The following PDLIM5 variants were observed in gnomAD, a reference collection of about 807,000 sequenced individuals.
The protein encoded by PDLIM5 is PDZ and LIM domain protein 5.
Under a neutral mutation model 64.2 loss-of-function variants are expected in PDLIM5, and 34 were observed. The observed-to-expected ratio is 0.53, with a 90% CI of 0.40 to 0.71. The LOEUF (loss-of-function observed/expected upper bound fraction) is 0.71, where lower values mean the gene tolerates loss of function less well. Ranked by LOEUF, PDLIM5 falls within the 30% of genes least tolerant of loss-of-function variation. The pLI, the probability that PDLIM5 is intolerant of heterozygous loss-of-function variation, is 0.00. For synonymous variants in PDLIM5, 253 were observed against 269.1 expected (o/e 0.94, Z 0.59); for missense variants, 683 against 733.6 (o/e 0.93, Z 0.80).
chr4:94,527,755 A>G (rs1248629950), intron 3 of PDLIM5, among the ~76,000 whole-genome samples: 1 of 152,224 alleles, frequency 6.6e-6, no homozygotes, highest in African/African-American at 2.4e-5. Flanking sequence ...CCTTGAGGCA[A>G]TGAAACTGGG....
intron 7 of PDLIM5, among the ~76,000 whole-genome samples, chr4:94,613,525 T>C (rs1738535529): frequency 6.6e-6 from 1 of 152,208 alleles, no homozygotes; most frequent in Non-Finnish European, 1.5e-5. Flanking sequence ...AAATAAACTT[T>C]TGCTCTATTA....
chr4:94,525,207 T>G (rs1476726396), intron 3 of PDLIM5, among the ~76,000 whole-genome samples: 3 of 152,098 alleles, frequency 2.0e-5, no homozygotes, highest in Non-Finnish European at 4.4e-5. Flanking sequence ...TCACCTGAGG[T>G]CAGAAGTTTG....
rs1483733114 is a variant in PDLIM5, at chr4:94,665,710, A to G, written c.*1643A>G. 2 of 1,140,898 alleles carry G rather than the reference A, an allele frequency of 1.8e-6. No individual in the cohort carries two copies. The highest frequency in any genetic ancestry group is 3.2e-5 in the African/African-American group (2 of 62,322). The allele number at this position is 1,140,898 out of a possible 1,614,324, so 70.7% of individuals were successfully genotyped here. On this transcript the variant is annotated 3_prime_UTR_variant, in exon 13 of 13. Transcript: ENST00000317968. Reference sequence around the variant, plus strand: ...TCGTTTTGTTTCTTCTTCTGCATTTAAAAATTAAAAGATTGGTTTGAGGAT... The same window carrying G: ...TCGTTTTGTTTCTTCTTCTGCATTTGAAAATTAAAAGATTGGTTTGAGGAT...
intron 3 of PDLIM5, among the ~76,000 whole-genome samples, chr4:94,546,817 C>G (rs1290892443): frequency 7.1e-6 from 1 of 141,524 alleles, no homozygotes; most frequent in Non-Finnish European, 1.6e-5. Flanking sequence ...CCCTAGCACT[C>G]CTTCTGACAT....
intron 11 of PDLIM5, among the ~76,000 whole-genome samples, chr4:94,659,566 C>T (rs1031134279): frequency 6.6e-6 from 1 of 151,456 alleles, no homozygotes; most frequent in Non-Finnish European, 1.5e-5. Context: ...CTTGCTCTGT[C>T]GCCCAGGCTG....
chr4:94,591,508 A>ACGT (rs1445532019), intron 7 of PDLIM5, among the ~76,000 whole-genome samples: 2 of 152,218 alleles, frequency 1.3e-5, no homozygotes, highest in African/African-American at 4.8e-5. Context: ...GACAGCCTTC[A>ACGT]CGTGCCAGCC....
intron 11 of PDLIM5, among the ~76,000 whole-genome samples, chr4:94,660,750 C>T (rs977519139): frequency 6.6e-6 from 1 of 152,044 alleles, no homozygotes; most frequent in African/African-American, 2.4e-5. Flanking sequence ...TAAGGTTAAT[C>T]GAGTTGCAAA....
intron 2 of PDLIM5, among the ~76,000 whole-genome samples, chr4:94,513,862 G>C (rs1324206326): frequency 6.6e-6 from 1 of 152,098 alleles, no homozygotes; most frequent in Non-Finnish European, 1.5e-5. Flanking sequence ...CTGTGGGTCT[G>C]TCATATATGG....
intron 2 of PDLIM5, chr4:94,456,885 T>C: frequency 1.9e-6 from 2 of 1,073,854 alleles, no homozygotes; most frequent in Non-Finnish European, 2.3e-6. Context: ...TGCAAAATAG[T>C]GATATTATTC....
intron 9 of PDLIM5, among the ~76,000 whole-genome samples, chr4:94,650,221 C>T (rs115025306): frequency 0.019 from 2,815 of 152,118 alleles, 42 homozygotes; most frequent in Non-Finnish European, 0.026. Context: ...TGTGTGTAAT[C>T]GTTTGTGAAT....
At chr4:94,638,378 G>C (rs1415664420) in intron 8 of PDLIM5, among the ~76,000 whole-genome samples, 1 of 152,186 alleles carries the variant, frequency 6.6e-6, no homozygotes, top group African/African-American at 2.4e-5. Context: ...TGAAACATGG[G>C]CAATAATAGA....
rs1737020174 is a variant in PDLIM5, at chr4:94,595,711, G to A, written c.920+9267G>A. On this transcript the variant is annotated intron_variant, in intron 7 of 12. Coordinates refer to ENST00000317968, the MANE Select transcript of PDLIM5 (RefSeq NM_006457.5). ...CATCCCATGTCTTCATTATTGCTGT[G>A]TTTCACAAACATACTGGTGTCTTGT... is the stretch of plus-strand genomic sequence containing the variant. Among the ~76,000 whole-genome samples, 3 of 152,128 alleles carry A rather than the reference G, an allele frequency of 2.0e-5. No homozygotes were observed. In the South Asian group the frequency reaches 6.2e-4, roughly 31 times the overall value.
intron 2 of PDLIM5, among the ~76,000 whole-genome samples, chr4:94,485,200 C>G (rs919921221): frequency 1.3e-5 from 2 of 152,198 alleles, no homozygotes; most frequent in Admixed American, 6.5e-5. Context: ...TGGCAATCAT[C>G]TGTATAAGAA....
intron 2 of PDLIM5, among the ~76,000 whole-genome samples, chr4:94,463,588 G>T (rs1225216814): frequency 6.6e-6 from 1 of 151,998 alleles, no homozygotes; most frequent in African/African-American, 2.4e-5. Context: ...GCTGTCTCAG[G>T]GTGTGCCAGG....
At position 94,654,541 on chromosome 4, in the gene PDLIM5, C is replaced by T. The variant is rs147724105; in HGVS notation, c.1365C>T (p.Tyr455=). The T allele has an allele frequency of 3.7e-6, 6 of 1,611,682 alleles. No homozygotes were observed. The African/African-American group carries it at 5.3e-5, about 14-fold the overall frequency. The change falls in exon 10 of 13, where the codon TAC becomes TAT. Residue 455 remains tyrosine, a synonymous_variant. Coordinates refer to ENST00000317968, the MANE Select transcript of PDLIM5 (RefSeq NM_006457.5). ...CTCACTGCAAAAATACAATGGCCTACATTGGATTTGTAGAGGAGAAAGGAG... is the reference window on the plus strand; with the variant it reads ...CTCACTGCAAAAATACAATGGCCTATATTGGATTTGTAGAGGAGAAAGGAG... ...NCAHCKNTMA[Y]IGFVEEKGAL... is the part of the protein sequence containing the mutation.
intron 8 of PDLIM5, among the ~76,000 whole-genome samples, chr4:94,627,209 G>A (rs1739770373): frequency 6.6e-6 from 1 of 152,098 alleles, no homozygotes; most frequent in Non-Finnish European, 1.5e-5. Context: ...TCAAAACTGG[G>A]GTGTGAAACA....
chr4:94,472,649 C>A (rs147776965), intron 2 of PDLIM5, among the ~76,000 whole-genome samples: 1 of 152,258 alleles, frequency 6.6e-6, no homozygotes, highest in Non-Finnish European at 1.5e-5. Flanking sequence ...CATCCTGCAT[C>A]CCTGGTGGTG....
intron 5 of PDLIM5, among the ~76,000 whole-genome samples, chr4:94,578,959 A>G (rs1285337735): frequency 6.6e-6 from 1 of 152,076 alleles, no homozygotes; most frequent in Non-Finnish European, 1.5e-5. Flanking sequence ...AGCTAGTTTG[A>G]TAGCTATTCC....
intron 9 of PDLIM5, among the ~76,000 whole-genome samples, chr4:94,653,922 T>C (rs1164763832): frequency 2.6e-5 from 4 of 152,156 alleles, no homozygotes; most frequent in Non-Finnish European, 5.9e-5. Context: ...TTTAGTAAAG[T>C]TGAGAAATAA....
Sources: allele counts gnomAD v4.1 joint callset (sites outside exome capture counted in the v4.1 genomes callset), GRCh38; gene constraint gnomAD v4.1.1; transcripts MANE v1.5; gene names NCBI Gene and HGNC (gene_info 2026-07-23, HGNC 2026-07-21).